The following UNC5D variants were observed in gnomAD, a reference collection of about 807,000 sequenced individuals.
UNC5D encodes the protein unc-5 netrin receptor D.
In UNC5D, 39 loss-of-function variants were observed where a neutral mutation model predicts 105.4. The ratio of observed to expected loss-of-function variants is 0.37; its 90% CI spans 0.29 to 0.48. UNC5D has a LOEUF of 0.48. UNC5D is among the 20% of genes least tolerant of loss of function. UNC5D has a pLI of 0.98. For synonymous variants in UNC5D, 452 were observed against 450.4 expected (o/e 1.00, Z -0.04); for missense variants, 991 against 1,202.4 (o/e 0.82, Z 2.60).
chr8:35,332,326 T>C (rs1179112572), intron 1 of UNC5D, among the ~76,000 whole-genome samples: 1 of 152,212 alleles, frequency 6.6e-6, no homozygotes, highest in African/African-American at 2.4e-5. Context: ...AAGCTCACTT[T>C]CAAAGTTCTT....
intron 13 of UNC5D, among the ~76,000 whole-genome samples, chr8:35,751,883 A>G (rs1212424060): frequency 2.6e-5 from 4 of 152,220 alleles, no homozygotes; most frequent in Non-Finnish European, 5.9e-5. Context: ...ACAAATTTCC[A>G]TGGATGGATG....
At chr8:35,724,047 G>GCTTC (rs1828727672) in intron 9 of UNC5D, 3 of 1,084,842 alleles carry the variant, frequency 2.8e-6, no homozygotes, top group Non-Finnish European at 3.6e-6. Context: ...GACGCTGGTT[G>GCTTC]CTTCCTCTTA....
At chr8:35,734,378 C>T (rs1048093474) in intron 11 of UNC5D, among the ~76,000 whole-genome samples, 2 of 149,066 alleles carry the variant, frequency 1.3e-5, no homozygotes, top group Non-Finnish European at 3.0e-5. Flanking sequence ...TCTCATTTCC[C>T]AAACTTTAAT....
At chr8:35,611,432 C>T (rs1335383358) in intron 4 of UNC5D, among the ~76,000 whole-genome samples, 1 of 152,158 alleles carries the variant, frequency 6.6e-6, no homozygotes, top group Non-Finnish European at 1.5e-5. Context: ...AACTTACCAC[C>T]ATTGAAGTAT....
Position 35,279,911 on chromosome 8 carries a change from T to C in UNC5D, c.103+44024T>C, listed in dbSNP as rs940497155. On this transcript the variant is annotated intron_variant, in intron 1 of 16. Transcript: ENST00000404895. ...AACTTCAGAATTCTGGCTACTCTTA[T>C]GGTGGAAATAGAACACACTCTCATC... is the stretch of plus-strand genomic sequence containing the variant. Among the ~76,000 whole-genome samples, 5 of 152,208 alleles carry C rather than the reference T, an allele frequency of 3.3e-5. No individual in the cohort carries two copies. In the East Asian group the frequency reaches 9.6e-4, roughly 29 times the overall value.
chr8:35,714,508 G>A (rs1200042353), intron 8 of UNC5D, among the ~76,000 whole-genome samples: 1 of 152,094 alleles, frequency 6.6e-6, no homozygotes, highest in Non-Finnish European at 1.5e-5. Context: ...AACAGAGAGA[G>A]GAAAAAGGGC....
intron 1 of UNC5D, among the ~76,000 whole-genome samples, chr8:35,328,911 G>A (rs1810387041): frequency 6.6e-6 from 1 of 152,040 alleles, no homozygotes; most frequent in South Asian, 2.1e-4. Flanking sequence ...CTCTTGTGAT[G>A]TGTCTTTTTC....
At chr8:35,358,751 C>T (rs534488913) in intron 1 of UNC5D, among the ~76,000 whole-genome samples, 2 of 152,262 alleles carry the variant, frequency 1.3e-5, no homozygotes, top group East Asian at 3.9e-4. Flanking sequence ...CCAACTCTTT[C>T]CTTATGAGAC....
chr8:35,751,685 G>A (rs2131644839), intron 13 of UNC5D, among the ~76,000 whole-genome samples: 1 of 152,280 alleles, frequency 6.6e-6, no homozygotes, highest in Admixed American at 6.5e-5. Context: ...CTTGAAGCAA[G>A]AGCCGTGTTA....
chr8:35,601,593 C>T (rs970117323), intron 4 of UNC5D, among the ~76,000 whole-genome samples: 3 of 152,214 alleles, frequency 2.0e-5, no homozygotes. Context: ...TGATTTGGCT[C>T]TCTGTTTGTC....
intron 16 of UNC5D, among the ~76,000 whole-genome samples, chr8:35,778,015 G>A (rs1030012084): frequency 6.6e-6 from 1 of 152,126 alleles, no homozygotes; most frequent in Non-Finnish European, 1.5e-5. Flanking sequence ...TCTTTGTTCT[G>A]CAGGTTAGAA....
intron 4 of UNC5D, 139 bp downstream of exon 4, chr8:35,595,796 A>G (rs888774290): frequency 2.3e-5 from 16 of 681,636 alleles, no homozygotes; most frequent in Non-Finnish European, 4.0e-5. Flanking sequence ...GTTGCTAAAC[A>G]CGGTGAAGAA....
chr8:35,305,589 C>CTTTCTTTATTTCTTTCTTTCTTTCTTTCT (rs1554505740), intron 1 of UNC5D, among the ~76,000 whole-genome samples: 1 of 61,610 alleles, frequency 1.6e-5, no homozygotes, highest in South Asian at 4.7e-4. Context: ...TTCTTTCTTT[C>CTTTCTTTATTTCTTTCTTTCTTTCTTTCT]TTTCTTTCTT....
intron 1 of UNC5D, among the ~76,000 whole-genome samples, chr8:35,301,703 A>G (rs1807972138): frequency 6.6e-6 from 1 of 152,188 alleles, no homozygotes; most frequent in Non-Finnish European, 1.5e-5. Context: ...AGGTTGTTGC[A>G]GTTTGTTACA....
chr8:35,613,424 G>A (rs1020226926), intron 4 of UNC5D, among the ~76,000 whole-genome samples: 2 of 152,146 alleles, frequency 1.3e-5, no homozygotes, highest in African/African-American at 4.8e-5. Context: ...CTTTCCCCAT[G>A]GTGTGTTTCA....
At chr8:35,760,821 G>A in intron 14 of UNC5D, among the ~76,000 whole-genome samples, 1 of 151,658 alleles carries the variant, frequency 6.6e-6, no homozygotes, top group East Asian at 1.9e-4. Context: ...TGTCAGAATG[G>A]GAACAAGCCT....
chr8:35,356,282 A>G (rs537287392), intron 1 of UNC5D, among the ~76,000 whole-genome samples: 5 of 152,084 alleles, frequency 3.3e-5, no homozygotes, highest in Non-Finnish European at 7.4e-5. Context: ...CTCTTTAAAC[A>G]CTTATGAGCT....
intron 1 of UNC5D, among the ~76,000 whole-genome samples, chr8:35,434,667 C>T (rs751974968): frequency 2.0e-5 from 3 of 151,976 alleles, no homozygotes; most frequent in Non-Finnish European, 4.4e-5. Flanking sequence ...TACAGTTCCA[C>T]AATTTAATTA....
chr8:35,687,278 C>T (rs937159492), intron 7 of UNC5D, among the ~76,000 whole-genome samples: 12 of 151,934 alleles, frequency 7.9e-5, no homozygotes, highest in Admixed American at 5.9e-4. Context: ...CCTGTCTCTA[C>T]GAAAAATACA....
Sources: allele counts gnomAD v4.1 joint callset (sites outside exome capture counted in the v4.1 genomes callset), GRCh38; gene constraint gnomAD v4.1.1; transcripts MANE v1.5; gene names NCBI Gene and HGNC (gene_info 2026-07-23, HGNC 2026-07-21).